The following CCDC15 variants were observed in gnomAD, a reference collection of about 807,000 sequenced individuals.
CCDC15 encodes the protein coiled-coil domain-containing protein 15.
CCDC15 carries 105 observed loss-of-function variants against 114.5 expected under a neutral mutation model. The observed-to-expected ratio is 0.92, with a 90% CI of 0.78 to 1.08. The LOEUF is 1.08. CCDC15 is among the 50% of genes least tolerant of loss of function. The pLI is 0.00. For synonymous variants in CCDC15, 334 were observed against 377.8 expected (o/e 0.88, Z 1.34); for missense variants, 1,105 against 1,093.6 (o/e 1.01, Z -0.15).
intron 13 of CCDC15, among the ~76,000 whole-genome samples, chr11:125,006,338 C>T (rs1252873965): frequency 1.3e-5 from 2 of 152,166 alleles, no homozygotes; most frequent in Non-Finnish European, 2.9e-5. Context: ...TTTTCACATG[C>T]TTATTTGTCA....
intron 4 of CCDC15, among the ~76,000 whole-genome samples, chr11:124,971,479 G>T (rs1188616616): frequency 6.6e-6 from 1 of 152,106 alleles, no homozygotes; most frequent in African/African-American, 2.4e-5. Context: ...ATAACAAACT[G>T]CTCCAAGCTA....
Position 124,975,161 on chromosome 11 carries a change from G to C in CCDC15, c.582G>C (p.Lys194Asn). The C allele has an allele frequency of 3.7e-6, 6 of 1,603,816 alleles. No homozygotes were observed. The highest frequency in any genetic ancestry group is 5.1e-6 in the Non-Finnish European group (6 of 1,175,886). ...CCTTTAAAACCGTGATTAAAAAAAA[G>C]GGATCAGTGTTTCCAGATGATGGAA... ...LASFKTVIKKKGSVFPDDGRK... is the reference protein window; with the variant it reads ...LASFKTVIKKNGSVFPDDGRK... The change falls in exon 5 of 16, where the codon AAG becomes AAC. Residue 194 changes from lysine (K) to asparagine (N), a missense_variant. By Grantham distance (94) the Lys-to-Asn change is moderately conservative. Coordinates refer to ENST00000344762, the MANE Select transcript of CCDC15 (RefSeq NM_025004.3).
intron 14 of CCDC15, 144 bp downstream of exon 14, chr11:125,038,748 G>T: frequency 8.8e-7 from 1 of 1,141,558 alleles, no homozygotes. Flanking sequence ...CAAATTTTTT[G>T]ATTGCCTAAT....
At chr11:124,978,447 C>G (rs556363990) in intron 6 of CCDC15, among the ~76,000 whole-genome samples, 2 of 152,234 alleles carry the variant, frequency 1.3e-5, no homozygotes, top group South Asian at 4.1e-4. Flanking sequence ...AACTGCTTTC[C>G]ACAATGGCCG....
chr11:125,001,400 C>A (rs944737030), intron 11 of CCDC15, among the ~76,000 whole-genome samples: 2 of 152,202 alleles, frequency 1.3e-5, no homozygotes, highest in Non-Finnish European at 2.9e-5. Context: ...TAATGAATGA[C>A]TATAATTCAC....
At chr11:124,978,076 G>T (rs1948005970) in intron 6 of CCDC15, among the ~76,000 whole-genome samples, 1 of 152,030 alleles carries the variant, frequency 6.6e-6, no homozygotes, top group Non-Finnish European at 1.5e-5. Flanking sequence ...TGAATGTTTA[G>T]CTCCCGCTTG....
intron 4 of CCDC15, among the ~76,000 whole-genome samples, chr11:124,965,070 G>A (rs1174139834): frequency 6.6e-6 from 1 of 152,004 alleles, no homozygotes; most frequent in African/African-American, 2.4e-5. Context: ...TTTTTGCATC[G>A]ATGTTCATCA....
intron 13 of CCDC15, among the ~76,000 whole-genome samples, chr11:125,010,315 T>G (rs1190839228): frequency 1.3e-5 from 2 of 152,174 alleles, no homozygotes; most frequent in African/African-American, 4.8e-5. Flanking sequence ...ATGTCTTCTT[T>G]TGAGAAGTAT....
chr11:124,954,965 C>T lies in CCDC15; in HGVS notation c.177+56C>T, dbSNP rs1482731972. ...GGTTCCCCACCACCCTTTTTATTAGCCTTCTCTAATCCTGGGTGCTTAAAG... is the reference window on the plus strand; with the variant it reads ...GGTTCCCCACCACCCTTTTTATTAGTCTTCTCTAATCCTGGGTGCTTAAAG... On this transcript the variant is annotated intron_variant, in intron 2 of 15. Coordinates refer to ENST00000344762, the MANE Select transcript of CCDC15 (RefSeq NM_025004.3). 3.3e-6 allele frequency: 5 copies of T among 1,499,086 alleles called. No homozygotes were observed. In the East Asian group the frequency reaches 1.1e-4, roughly 34 times the overall value. The allele number at this position is 1,499,086 out of a possible 1,614,324, so 92.9% of individuals were successfully genotyped here. A position where few individuals can be genotyped will look rare whatever the true frequency, so the allele number is the denominator to read the frequency against.
At chr11:125,008,482 T>C (rs772971423) in intron 13 of CCDC15, among the ~76,000 whole-genome samples, 12 of 152,208 alleles carry the variant, frequency 7.9e-5, no homozygotes, top group Non-Finnish European at 1.5e-4. Flanking sequence ...TTATTTCTTC[T>C]TTCCCAGTCT....
intron 13 of CCDC15, among the ~76,000 whole-genome samples, chr11:125,027,971 A>T (rs145049356): frequency 6.6e-6 from 1 of 151,962 alleles, no homozygotes; most frequent in African/African-American, 2.4e-5. Context: ...AGTTATTCCA[A>T]CGCAATTTAC....
intron 11 of CCDC15, among the ~76,000 whole-genome samples, chr11:124,994,849 A>G (rs1042394389): frequency 2.0e-5 from 3 of 152,128 alleles, no homozygotes; most frequent in Admixed American, 6.5e-5. Context: ...TCTGTGCATA[A>G]TTTTTATTTT....
chr11:125,019,852 G>T (rs192198030), intron 13 of CCDC15, among the ~76,000 whole-genome samples: 1 of 151,822 alleles, frequency 6.6e-6, no homozygotes, highest in African/African-American at 2.4e-5. Context: ...TCTCTTTTTT[G>T]ATACATTATA....
Position 124,977,338 on chromosome 11 carries a change from CAT to C in CCDC15, c.631-139_631-138del, listed in dbSNP as rs1947990142. The C allele has an allele frequency of 1.5e-5, 9 of 598,816 alleles. No homozygotes were observed. In the East Asian group the frequency reaches 2.9e-4, roughly 20 times the overall value. 37.1% of individuals were successfully genotyped at this position (598,816 alleles called of 1,614,324 possible). Reference sequence around the variant, plus strand: ...TTGTTTGTACATATGAAGTAGAACTCATGTTTTTTCCCTTTACTGTGTATTAG... The same window carrying C: ...TTGTTTGTACATATGAAGTAGAACTCGTTTTTTCCCTTTACTGTGTATTAG... On this transcript the variant is annotated intron_variant, in intron 5 of 15. Coordinates refer to ENST00000344762, the MANE Select transcript of CCDC15 (RefSeq NM_025004.3).
intron 4 of CCDC15, among the ~76,000 whole-genome samples, chr11:124,972,917 T>G (rs73020322): frequency 0.012 from 1,893 of 152,290 alleles, 16 homozygotes; most frequent in Non-Finnish European, 0.019. Context: ...ATCTTCTCAA[T>G]GTCCTTAAGA....
chr11:125,024,287 G>C (rs756156800), intron 13 of CCDC15, among the ~76,000 whole-genome samples: 1 of 151,928 alleles, frequency 6.6e-6, no homozygotes, highest in Non-Finnish European at 1.5e-5. Context: ...TTTCAGAGTT[G>C]TCTTGACTAT....
intron 13 of CCDC15, among the ~76,000 whole-genome samples, chr11:125,019,857 AT>A (rs1591610770): frequency 6.6e-6 from 1 of 152,072 alleles, no homozygotes; most frequent in South Asian, 2.1e-4. Flanking sequence ...TTTTTGATAC[AT>A]TATATTTGTA....
At chr11:124,998,254 G>A (rs114462913) in intron 11 of CCDC15, among the ~76,000 whole-genome samples, 31 of 152,324 alleles carry the variant, frequency 2.0e-4, no homozygotes, top group African/African-American at 6.7e-4. Flanking sequence ...GACAGTTGTA[G>A]TGCTGACCAC....
intron 6 of CCDC15, among the ~76,000 whole-genome samples, chr11:124,985,726 A>G (rs988581381): frequency 1.3e-5 from 2 of 150,618 alleles, no homozygotes; most frequent in African/African-American, 4.9e-5. Flanking sequence ...ATAAATTTAT[A>G]CATAAAATGT....
Sources: allele counts gnomAD v4.1 joint callset (sites outside exome capture counted in the v4.1 genomes callset), GRCh38; gene constraint gnomAD v4.1.1; transcripts MANE v1.5; gene names NCBI Gene and HGNC (gene_info 2026-07-23, HGNC 2026-07-21).